Variants in CTNNA2 observed in about 807,000 individuals in gnomAD.
CTNNA2 encodes catenin alpha-2.
In CTNNA2, 42 loss-of-function variants were observed where a neutral mutation model predicts 101.0. The ratio of observed to expected loss-of-function variants is 0.42; its 90% confidence interval spans 0.32 to 0.54. The LOEUF (loss-of-function observed/expected upper bound fraction) is 0.54, where lower values mean the gene tolerates loss of function less well. CTNNA2 is among the 20% of genes least tolerant of loss of function. The probability of loss-of-function intolerance (pLI) is 0.14; values close to 1 mark genes in which losing one functional copy is unlikely to be tolerated. For synonymous variants in CTNNA2, 450 were observed against 456.4 expected, an observed-to-expected ratio of 0.99 and a Z score of 0.18; for missense variants, 871 against 1,223.1, an observed-to-expected ratio of 0.71 and a Z score of 4.29.
intron 7 of CTNNA2, among the ~76,000 whole-genome samples, chr2:80,024,022 G>A (rs1439173350): frequency 2.7e-5 from 4 of 150,854 alleles, no homozygotes; most frequent in Non-Finnish European, 4.4e-5. Context: ...GGGAGGCGGA[G>A]CTTGCAGTGA....
chr2:79,380,494 A>G (rs1678027088), intron 4 of CTNNA2, among the ~76,000 whole-genome samples: 2 of 152,274 alleles, frequency 1.3e-5, no homozygotes, highest in South Asian at 4.1e-4. Flanking sequence ...ATCACACAGC[A>G]CAGAACATAT....
At chr2:79,656,109 A>G (rs1161340938) in intron 2 of CTNNA2, among the ~76,000 whole-genome samples, 2 of 152,162 alleles carry the variant, frequency 1.3e-5, no homozygotes, top group African/African-American at 4.8e-5. Context: ...AAAATTAAAT[A>G]TGTGAATTTT....
At chr2:80,142,923 C>G (rs1297393224) in intron 7 of CTNNA2, among the ~76,000 whole-genome samples, 1 of 149,392 alleles carries the variant, frequency 6.7e-6, no homozygotes, top group African/African-American at 2.5e-5. Flanking sequence ...GACAATGCCT[C>G]ATAATGATAA....
At chr2:79,700,699 AC>A (rs1684946998) in intron 2 of CTNNA2, among the ~76,000 whole-genome samples, 1 of 152,084 alleles carries the variant, frequency 6.6e-6, no homozygotes. Context: ...TATTAACACC[AC>A]CCAGGGAATT....
chr2:79,294,235 AGAAGAGGAG>A (rs917786627), intron 2 of CTNNA2, among the ~76,000 whole-genome samples: 21 of 150,902 alleles, frequency 1.4e-4, no homozygotes, highest in South Asian at 6.4e-4. Flanking sequence ...AAGAAGAAGA[AGAAGAGGAG>A]GAGGAGGAGG....
intron 2 of CTNNA2, among the ~76,000 whole-genome samples, chr2:79,205,899 T>C (rs1233343501): frequency 6.6e-6 from 1 of 152,210 alleles, no homozygotes; most frequent in Admixed American, 6.5e-5. Context: ...TTGTCTGAGA[T>C]CTCTCAATAT....
At chr2:79,251,910 C>A (rs768174952) in intron 2 of CTNNA2, among the ~76,000 whole-genome samples, 1 of 152,088 alleles carries the variant, frequency 6.6e-6, no homozygotes, top group African/African-American at 2.4e-5. Context: ...TATACTAAAC[C>A]GCCACTGATT....
chr2:79,527,342 A>G (rs1672469465), intron 1 of CTNNA2, among the ~76,000 whole-genome samples: 1 of 151,920 alleles, frequency 6.6e-6, no homozygotes, highest in African/African-American at 2.4e-5. Flanking sequence ...TTCTAATAAA[A>G]GAATATTAGG....
At chr2:80,546,601 C>T (rs4852578) in intron 11 of CTNNA2, among the ~76,000 whole-genome samples, 80,737 of 151,980 alleles carry the variant, frequency 0.53, 22,935 homozygotes, top group African/African-American at 0.75. Flanking sequence ...TAGAAGGAAG[C>T]GAGTGAAAGA....
chr2:80,164,392 A>G (rs1704526900), intron 7 of CTNNA2, among the ~76,000 whole-genome samples: 3 of 152,044 alleles, frequency 2.0e-5, no homozygotes, highest in Admixed American at 6.6e-5. Flanking sequence ...TTTTCATATT[A>G]CCAATTCTAG....
chr2:80,544,445 G>A (rs1276887720), intron 9 of CTNNA2, among the ~76,000 whole-genome samples: 1 of 152,028 alleles, frequency 6.6e-6, no homozygotes, highest in Non-Finnish European at 1.5e-5. Context: ...GAGCCTTTTT[G>A]TTACATTGCT....
chr2:79,740,783 C>T (rs1388895831), intron 2 of CTNNA2, among the ~76,000 whole-genome samples: 1 of 151,890 alleles, frequency 6.6e-6, no homozygotes, highest in African/African-American at 2.4e-5. Context: ...TAGAGCACAA[C>T]AACAATTCAG....
At chr2:80,174,612 A>G (rs545503093) in intron 7 of CTNNA2, among the ~76,000 whole-genome samples, 5 of 152,350 alleles carry the variant, frequency 3.3e-5, no homozygotes, top group African/African-American at 1.2e-4. Flanking sequence ...CCAATCTTGA[A>G]GGTCACAAAG....
rs1440323032 is a variant in CTNNA2 at position 80,496,178 on chromosome 2, C to T, written c.1291-48804C>T. The stretch of plus-strand genomic sequence containing the variant: ...GATTGTGGACTTCTTCCCTCTAGAA[C>T]TGTAAGACAATACATTTCTGTTGTT... On this transcript the variant is annotated intron_variant, in intron 9 of 18. Coordinates refer to ENST00000402739, the MANE Select transcript of CTNNA2 (RefSeq NM_001282597.3). 2.6e-5 allele frequency among the ~76,000 whole-genome samples: 4 copies of T among 152,022 alleles called. 1 individual carries two copies. Among genetic ancestry groups the T allele is most frequent in the African/African-American group, 7.2e-5 (3 of 41,390 alleles).
chr2:80,160,426 A>G (rs1704241803), intron 7 of CTNNA2, among the ~76,000 whole-genome samples: 1 of 152,148 alleles, frequency 6.6e-6, no homozygotes, highest in African/African-American at 2.4e-5. Context: ...CTTCCAACCA[A>G]TGAACACAGT....
chr2:79,359,864 T>G (rs1409792986), intron 3 of CTNNA2, among the ~76,000 whole-genome samples: 1 of 152,170 alleles, frequency 6.6e-6, no homozygotes, highest in African/African-American at 2.4e-5. Flanking sequence ...TTTCAGAGAA[T>G]CTGTAAGGTC....
intron 4 of CTNNA2, among the ~76,000 whole-genome samples, chr2:79,489,713 G>A (rs1286930050): frequency 6.6e-6 from 1 of 152,136 alleles, no homozygotes; most frequent in Non-Finnish European, 1.5e-5. Context: ...GAGAATTTGA[G>A]GAAGAAAGGA....
At chr2:79,979,583 G>C (rs1284243328) in intron 7 of CTNNA2, among the ~76,000 whole-genome samples, 2 of 151,978 alleles carry the variant, frequency 1.3e-5, no homozygotes. Context: ...AATTGGATGG[G>C]GCTTTGAAAT....
chr2:80,286,992 T>C (rs1479806550), intron 7 of CTNNA2, among the ~76,000 whole-genome samples: 1 of 152,170 alleles, frequency 6.6e-6, no homozygotes, highest in Non-Finnish European at 1.5e-5. Flanking sequence ...GGACACAAAA[T>C]ATATAGACAT....
Sources: gnomAD v4.1 joint callset for allele counts (sites outside exome capture counted in the v4.1 genomes callset) on GRCh38, gnomAD v4.1.1 for gene constraint, MANE v1.5 for transcripts, NCBI Gene and HGNC (gene_info 2026-07-23, HGNC 2026-07-21) for gene names.